Variants in THSD7B observed in about 807,000 individuals in gnomAD.
THSD7B encodes thrombospondin type-1 domain-containing protein 7B.
Under a neutral mutation model 213.6 loss-of-function variants are expected in THSD7B, and 138 were observed. That is an observed-to-expected ratio of 0.65 (90% CI 0.56 to 0.74). The LOEUF is 0.74. THSD7B is among the 30% of genes least tolerant of loss of function. THSD7B has a pLI of 0.00. For synonymous variants in THSD7B, 742 were observed against 687.0 expected, an observed-to-expected ratio of 1.08 and a Z score of -1.25; for missense variants, 1,931 against 1,991.5, an observed-to-expected ratio of 0.97 and a Z score of 0.58.
chr2:137,549,182 T>G (rs979303681), intron 15 of THSD7B, among the ~76,000 whole-genome samples: 1 of 152,072 alleles, frequency 6.6e-6, no homozygotes, highest in Non-Finnish European at 1.5e-5. Context: ...TCACTTCACC[T>G]TAGTACATAT....
At chr2:136,984,765 A>C (rs915100714) in intron 2 of THSD7B, among the ~76,000 whole-genome samples, 1 of 152,152 alleles carries the variant, frequency 6.6e-6, no homozygotes, top group African/African-American at 2.4e-5. Context: ...ACTGGAAGAT[A>C]AGGAAAAGTT....
At chr2:137,156,821 G>C (rs1281636403) in intron 5 of THSD7B, among the ~76,000 whole-genome samples, 1 of 152,066 alleles carries the variant, frequency 6.6e-6, no homozygotes, top group Non-Finnish European at 1.5e-5. Flanking sequence ...GAGTTGCTCC[G>C]GTTGATTGAG....
chr2:137,319,755 CT>C (rs1276555738), intron 12 of THSD7B, among the ~76,000 whole-genome samples: 3 of 151,960 alleles, frequency 2.0e-5, no homozygotes, highest in Non-Finnish European at 2.9e-5. Context: ...ACAAACTTGA[CT>C]TTTTTTTAGA....
chr2:137,252,499 G>A (rs566474087), intron 10 of THSD7B, among the ~76,000 whole-genome samples: 4 of 152,136 alleles, frequency 2.6e-5, no homozygotes, highest in African/African-American at 4.8e-5. Context: ...ATGGGGTCTC[G>A]CCATGTTGCC....
chr2:137,587,367 C>T lies in THSD7B; in HGVS notation c.3423+14811C>T, dbSNP rs112037921. On this transcript the variant is annotated intron_variant, in intron 17 of 27. Coordinates refer to ENST00000409968, the MANE Select transcript of THSD7B (RefSeq NM_001316349.2). ...AGTTATTATCCATCTAGCTTTGTTC[C>T]GTTGCTGGCGAGGGCCTGTGTTCCT... Among the ~76,000 whole-genome samples the T allele has an allele frequency of 8.1e-4, 124 of 152,238 alleles. 1 individual carries two copies. The South Asian group carries it at 0.012, about 14-fold the overall frequency.
intron 1 of THSD7B, among the ~76,000 whole-genome samples, 179 bp from the exon 2 acceptor site, chr2:136,881,965 A>G (rs1683632075): frequency 6.6e-6 from 1 of 152,212 alleles, no homozygotes; most frequent in South Asian, 2.1e-4. Context: ...AAAACATGGT[A>G]AAAACAGAAT....
intron 2 of THSD7B, among the ~76,000 whole-genome samples, chr2:136,988,676 T>A (rs1340513779): frequency 6.6e-6 from 1 of 152,206 alleles, no homozygotes; most frequent in Non-Finnish European, 1.5e-5. Context: ...GGATTTCCAA[T>A]TTTGGGCATG....
intron 2 of THSD7B, among the ~76,000 whole-genome samples, chr2:136,966,224 T>G (rs1172761737): frequency 2.3e-3 from 1 of 434 alleles, no homozygotes; most frequent in Non-Finnish European, 8.6e-3. Context: ...TTCCTAAACA[T>G]TTTTTTTTTT....
intron 21 of THSD7B, among the ~76,000 whole-genome samples, chr2:137,643,172 A>ACAT (rs1267200504): frequency 9.8e-5 from 15 of 152,336 alleles, no homozygotes; most frequent in South Asian, 2.1e-4. Flanking sequence ...ATGCCTAACA[A>ACAT]CATCCTAGTA....
At chr2:137,605,586 A>C (rs1682157200) in intron 17 of THSD7B, among the ~76,000 whole-genome samples, 1 of 148,478 alleles carries the variant, frequency 6.7e-6, no homozygotes, top group African/African-American at 2.5e-5. Flanking sequence ...ATCTCAGCAG[A>C]GCCATAGTGT....
intron 27 of THSD7B, among the ~76,000 whole-genome samples, chr2:137,674,307 G>T (rs777225887): frequency 3.4e-5 from 5 of 149,016 alleles, no homozygotes; most frequent in African/African-American, 4.8e-5. Flanking sequence ...CTCCCTTCCC[G>T]CAGAAAAAAG....
At chr2:137,131,272 G>C (rs1486520179) in intron 5 of THSD7B, among the ~76,000 whole-genome samples, 1 of 151,320 alleles carries the variant, frequency 6.6e-6, no homozygotes, top group African/African-American at 2.4e-5. Flanking sequence ...GTAGATTCTG[G>C]ATATTAGCCC....
At chr2:137,594,848 G>A (rs1193083412) in intron 17 of THSD7B, among the ~76,000 whole-genome samples, 2 of 151,778 alleles carry the variant, frequency 1.3e-5, no homozygotes, top group Non-Finnish European at 2.9e-5. Context: ...CATGAATATG[G>A]CATATCTCTC....
intron 12 of THSD7B, among the ~76,000 whole-genome samples, chr2:137,284,551 C>T (rs1177914036): frequency 1.3e-5 from 2 of 152,162 alleles, no homozygotes; most frequent in South Asian, 4.2e-4. Flanking sequence ...CTATAAATTT[C>T]CCTCTACACA....
At chr2:137,267,774 T>C (rs1158991584) in intron 10 of THSD7B, among the ~76,000 whole-genome samples, 1 of 152,214 alleles carries the variant, frequency 6.6e-6, no homozygotes, top group Non-Finnish European at 1.5e-5. Context: ...TAGATTAAGA[T>C]GGTAATTCCT....
chr2:137,000,296 A>C (rs1347686437), intron 2 of THSD7B, among the ~76,000 whole-genome samples: 1 of 152,122 alleles, frequency 6.6e-6, no homozygotes, highest in Admixed American at 6.6e-5. Context: ...ATTTTATGTA[A>C]TCTAGAAATT....
At chr2:136,855,023 A>C (rs1365036137) in intron 1 of THSD7B, among the ~76,000 whole-genome samples, 1 of 152,172 alleles carries the variant, frequency 6.6e-6, no homozygotes. Flanking sequence ...TGTGATATGT[A>C]AGCATTGTTA....
chr2:137,546,434 A>T lies in THSD7B; in HGVS notation c.3139-16787A>T, dbSNP rs12329389. Among the ~76,000 whole-genome samples the T allele has an allele frequency of 3.6e-4, 8 of 22,396 alleles. 1 individual carries two copies. Among genetic ancestry groups the T allele is most frequent in the African/African-American group, 2.2e-3 (8 of 3,568 alleles). The allele number at this position is 22,396 out of a possible 152,430, so 14.7% of individuals were successfully genotyped here. On this transcript the variant is annotated intron_variant, in intron 15 of 27. Coordinates refer to ENST00000409968, the MANE Select transcript of THSD7B (RefSeq NM_001316349.2). ...TATATATTATATATATTATATATAT[A>T]TTATATATATTATATATATATTATA... is the stretch of plus-strand genomic sequence containing the variant.
chr2:137,116,059 T>A (rs1442062083), intron 5 of THSD7B, among the ~76,000 whole-genome samples: 1 of 152,218 alleles, frequency 6.6e-6, no homozygotes, highest in Non-Finnish European at 1.5e-5. Context: ...ATATTTCCAC[T>A]GTGGGCTTTG....
Sources: gnomAD v4.1 joint callset for allele counts (sites outside exome capture counted in the v4.1 genomes callset) on GRCh38, gnomAD v4.1.1 for gene constraint, MANE v1.5 for transcripts, NCBI Gene and HGNC (gene_info 2026-07-23, HGNC 2026-07-21) for gene names.